The following ZHX3 variants were observed in gnomAD, a reference collection of about 807,000 sequenced individuals.
ZHX3 encodes the protein zinc fingers and homeoboxes protein 3.
ZHX3 carries 20 observed loss-of-function variants against 64.5 expected under a neutral mutation model. The observed-to-expected ratio is 0.31, with a 90% CI of 0.22 to 0.45. ZHX3 has a LOEUF of 0.45. Among genes scored for constraint, ZHX3 ranks in the 20% least tolerant of loss-of-function variants. The probability of loss-of-function intolerance (pLI) is 1.00; values close to 1 mark genes in which losing one functional copy is unlikely to be tolerated. For synonymous variants in ZHX3, 423 were observed against 461.6 expected (o/e 0.92, Z 1.07); for missense variants, 1,041 against 1,195.8 (o/e 0.87, Z 1.91).
At chr20:41,197,575 T>G (rs977172474) in intron 3 of ZHX3, among the ~76,000 whole-genome samples, 1 of 151,852 alleles carries the variant, frequency 6.6e-6, no homozygotes, top group Non-Finnish European at 1.5e-5. Context: ...AACATGAGTC[T>G]CTTAAGACAG....
At chr20:41,263,470 C>T (rs1600551690) in intron 2 of ZHX3, among the ~76,000 whole-genome samples, 1 of 150,988 alleles carries the variant, frequency 6.6e-6, no homozygotes, top group East Asian at 1.9e-4. Flanking sequence ...TCTCGGCTCA[C>T]TGCAACCTCT....
At chr20:41,252,807 GTTATC>G (rs2042054012) in intron 2 of ZHX3, among the ~76,000 whole-genome samples, 1 of 152,164 alleles carries the variant, frequency 6.6e-6, no homozygotes, top group African/African-American at 2.4e-5. Flanking sequence ...TTTATAAAAT[GTTATC>G]TTTTCTCTTC....
In ZHX3 at chr20:41,203,341, G is replaced by T. The variant is rs764099384; in HGVS notation, c.1576C>A (p.His526Asn). Residue 526 changes from histidine to asparagine, a missense_variant, in exon 3 of 4, where the codon CAT becomes AAT. Physicochemically the swap from His to Asn is moderately conservative, Grantham distance 68 (BLOSUM62 1). Coordinates refer to ENST00000683867, the MANE Select transcript of ZHX3 (RefSeq NM_001384317.1). This position sits in a 1 kb window ranked among gnomAD's most constrained non-coding sequence, Gnocchi z 7.1. The stretch of plus-strand genomic sequence containing the variant: ...CTGAGGCCCGTCACTTTTGTGAGAT[G>T]TTCAACTTCGCTCTGCCCTGGGAAC... Reference protein sequence around the residue: ...NQFPGQSEVEHLTKVTGLSTR... With the variant: ...NQFPGQSEVENLTKVTGLSTR... 2 of 1,614,188 alleles carry T rather than the reference G, an allele frequency of 1.2e-6. No individual in the cohort carries two copies. The highest frequency in any genetic ancestry group is 2.2e-5 in the South Asian group (2 of 91,082).
At chr20:41,269,283 A>C (rs1404560466) in intron 1 of ZHX3, 200 bp from the exon 2 acceptor site, 1 of 152,222 alleles carries the variant, frequency 6.6e-6, no homozygotes, top group Non-Finnish European at 1.5e-5. Flanking sequence ...AGTAGAAATA[A>C]AGCAAACTCA....
intron 1 of ZHX3, among the ~76,000 whole-genome samples, chr20:41,316,610 T>C (rs894996232): frequency 1.3e-5 from 2 of 152,152 alleles, no homozygotes; most frequent in Non-Finnish European, 2.9e-5. Flanking sequence ...TGTGTTCACA[T>C]AGATAAAAAC....
At chr20:41,303,110 G>GA (rs753982701) in intron 1 of ZHX3, among the ~76,000 whole-genome samples, 1 of 152,122 alleles carries the variant, frequency 6.6e-6, no homozygotes, top group African/African-American at 2.4e-5. Flanking sequence ...ATTCACAAAT[G>GA]AAAAAAATGG....
Position 41,219,165 on chromosome 20 carries a change from G to A in ZHX3, c.-150-14099C>T, listed in dbSNP as rs764217718. ...AGCATGGTCTCGATCTCCTGACCTC[G>A]TGATCCACACGCCTCCGCCTCCCAA... On this transcript the variant is annotated intron_variant, in intron 2 of 3. Transcript: ENST00000683867. The surrounding 1 kb of genome is among the most constrained non-coding windows in gnomAD (Gnocchi z 5.0). Among the ~76,000 whole-genome samples the A allele has an allele frequency of 1.2e-4, 19 of 152,034 alleles. No individual in the cohort carries two copies. Among genetic ancestry groups the A allele is most frequent in the African/African-American group, 1.7e-4 (7 of 41,476 alleles).
chr20:41,295,719 C>T (rs1325334071), intron 1 of ZHX3, among the ~76,000 whole-genome samples: 1 of 151,966 alleles, frequency 6.6e-6, no homozygotes, highest in Non-Finnish European at 1.5e-5. Flanking sequence ...GGCGTGGTAG[C>T]GGGCACCTGT....
chr20:41,287,489 A>C (rs769318341), intron 1 of ZHX3, among the ~76,000 whole-genome samples: 1 of 152,170 alleles, frequency 6.6e-6, no homozygotes, highest in Non-Finnish European at 1.5e-5. Context: ...TTACTGACTC[A>C]TTTCTAACAA....
chr20:41,223,685 C>T (rs1271222616), intron 2 of ZHX3, among the ~76,000 whole-genome samples: 1 of 152,054 alleles, frequency 6.6e-6, no homozygotes, highest in Non-Finnish European at 1.5e-5. Flanking sequence ...TCCCTGTAGC[C>T]CCTTTTAAAT....
chr20:41,197,670 A>G (rs1186836651), intron 3 of ZHX3, among the ~76,000 whole-genome samples: 1 of 151,888 alleles, frequency 6.6e-6, no homozygotes, highest in Non-Finnish European at 1.5e-5. Context: ...TAATGTGATT[A>G]CAGATCAAGG....
intron 1 of ZHX3, among the ~76,000 whole-genome samples, chr20:41,303,117 A>T (rs117952366): frequency 5.2e-5 from 8 of 152,396 alleles, no homozygotes; most frequent in Non-Finnish European, 1.2e-4. Flanking sequence ...AATGAAAAAA[A>T]TGGACTTAGT....
chr20:41,301,828 G>A (rs2044820038), intron 1 of ZHX3, among the ~76,000 whole-genome samples: 1 of 151,916 alleles, frequency 6.6e-6, no homozygotes. Flanking sequence ...GCCGAGGCGG[G>A]CGGATCACGA....
chr20:41,192,849 T>A (rs2037154280), intron 3 of ZHX3, among the ~76,000 whole-genome samples: 1 of 152,174 alleles, frequency 6.6e-6, no homozygotes, highest in Non-Finnish European at 1.5e-5. Context: ...GCACCTCCTA[T>A]GTTAAGTTTC....
chr20:41,230,144 T>C (rs1325752101), intron 2 of ZHX3, among the ~76,000 whole-genome samples: 1 of 152,196 alleles, frequency 6.6e-6, no homozygotes, highest in African/African-American at 2.4e-5. Context: ...TAATATTAAA[T>C]AGATGTTGAA....
intron 2 of ZHX3, among the ~76,000 whole-genome samples, chr20:41,241,367 C>G (rs977620754): frequency 3.9e-5 from 6 of 152,066 alleles, no homozygotes; most frequent in Non-Finnish European, 8.8e-5. Flanking sequence ...AGATTTTTTT[C>G]CTATCGAGTT....
chr20:41,270,046 T>C (rs937406677), intron 1 of ZHX3, among the ~76,000 whole-genome samples: 5 of 152,198 alleles, frequency 3.3e-5, no homozygotes, highest in African/African-American at 1.2e-4. Flanking sequence ...GTTGATTCTA[T>C]ATTCTAATCA....
chr20:41,294,074 G>C (rs1044959520), intron 1 of ZHX3, among the ~76,000 whole-genome samples: 1 of 152,096 alleles, frequency 6.6e-6, no homozygotes, highest in East Asian at 1.9e-4. Flanking sequence ...CAAAAGTTCC[G>C]AGGCTCCCCA....
At chr20:41,218,543 G>A (rs1283308508) in intron 2 of ZHX3, among the ~76,000 whole-genome samples, 1 of 152,182 alleles carries the variant, frequency 6.6e-6, no homozygotes, top group Non-Finnish European at 1.5e-5. Context: ...AAGAGGGTCT[G>A]TATTGCTTAC....
Sources: allele counts gnomAD v4.1 joint callset (sites outside exome capture counted in the v4.1 genomes callset), GRCh38; gene constraint gnomAD v4.1.1; non-coding constraint Gnocchi (gnomAD v3.1); transcripts MANE v1.5; gene names NCBI Gene and HGNC (gene_info 2026-07-23, HGNC 2026-07-21).